Variants in DHDDS observed in about 807,000 individuals in gnomAD.
DHDDS encodes the protein dehydrodolichyl diphosphate synthase complex subunit DHDDS.
DHDDS carries 16 observed loss-of-function variants against 46.2 expected under a neutral mutation model. That is an observed-to-expected ratio of 0.35 (90% CI 0.23 to 0.53). The LOEUF is 0.53. DHDDS is among the 20% of genes least tolerant of loss of function. DHDDS has a pLI of 0.94. For synonymous variants in DHDDS, 151 were observed against 163.1 expected (o/e 0.93, Z 0.56); for missense variants, 340 against 423.7 (o/e 0.80, Z 1.73).
intron 6 of DHDDS, among the ~76,000 whole-genome samples, chr1:26,450,030 C>CA (rs568884937): frequency 5.6e-4 from 86 of 152,252 alleles, no homozygotes; most frequent in Middle Eastern, 6.8e-3. Context: ...GGTCAACAGT[C>CA]AGACAGAGAT....
At chr1:26,447,728 C>T (rs1557440849) in intron 6 of DHDDS, 68 bp downstream of exon 6, 1 of 1,416,048 alleles carries the variant, frequency 7.1e-7, no homozygotes, top group Non-Finnish European at 9.9e-7. Flanking sequence ...GCAGCTCACG[C>T]CTGTAATCCT....
chr1:26,458,737 C>CAAAAAAAAA (rs11381495), intron 7 of DHDDS, among the ~76,000 whole-genome samples: 1 of 71,694 alleles, frequency 1.4e-5, no homozygotes, highest in Non-Finnish European at 2.7e-5. Context: ...GACTCTGTCG[C>CAAAAAAAAA]AAAAAAAAAA....
intron 6 of DHDDS, among the ~76,000 whole-genome samples, chr1:26,454,409 A>G (rs978090077): frequency 2.6e-5 from 4 of 152,138 alleles, no homozygotes; most frequent in Admixed American, 2.0e-4. Flanking sequence ...TTGCAGATAA[A>G]TTGTAAACTC....
intron 2 of DHDDS, among the ~76,000 whole-genome samples, chr1:26,437,429 T>C (rs936360211): frequency 4.0e-5 from 6 of 151,788 alleles, no homozygotes; most frequent in African/African-American, 1.5e-4. Context: ...GAGGATTGCT[T>C]GAGCCCAGGA....
At chr1:26,460,002 T>C in intron 7 of DHDDS, 35 bp from the exon 8 acceptor site, 1 of 1,559,784 alleles carries the variant, frequency 6.4e-7, no homozygotes, top group South Asian at 1.1e-5. Flanking sequence ...CAGCAACATG[T>C]TACTAAATCA....
In DHDDS at chr1:26,460,129, C is replaced by A. The variant is rs373118655; in HGVS notation, c.750C>A (p.Asn250Lys). Reference sequence around the variant, plus strand: ...AGGCCATCCTGCAGTTCCAGATGAACCATAGCGTGCTTCAGGTAAGAAAGA... The same window carrying A: ...AGGCCATCCTGCAGTTCCAGATGAAACATAGCGTGCTTCAGGTAAGAAAGA... ...LFEAILQFQM[N>K]HSVLQKARDM... Residue 250 changes from asparagine to lysine, a missense_variant, in exon 8 of 9, where the codon AAC (asparagine) becomes AAA (lysine). Asn to Lys is a moderately conservative substitution (Grantham distance 94). Around this residue, in one of 2 missense-constraint regions of DHDDS, gnomAD observed 268 missense variants for 300.3 expected, o/e 0.89. Transcript: ENST00000236342. 2.6e-5 allele frequency: 42 copies of A among 1,613,542 alleles called. No individual in the cohort carries two copies. Among genetic ancestry groups the A allele is most frequent in the Non-Finnish European group, 3.2e-5 (38 of 1,179,646 alleles).
intron 3 of DHDDS, among the ~76,000 whole-genome samples, chr1:26,440,428 G>A (rs757668125): frequency 3.3e-5 from 5 of 152,206 alleles, no homozygotes; most frequent in Admixed American, 6.5e-5. Flanking sequence ...GACCTGCAGC[G>A]AGTTATGTAG....
intron 6 of DHDDS, among the ~76,000 whole-genome samples, chr1:26,450,758 C>T (rs1414794999): frequency 6.6e-6 from 1 of 152,046 alleles, no homozygotes; most frequent in Non-Finnish European, 1.5e-5. Context: ...AGGTAGAGAG[C>T]AGGCAGGAAG....
intron 8 of DHDDS, among the ~76,000 whole-genome samples, chr1:26,461,586 T>C (rs2075422792): frequency 6.6e-6 from 1 of 152,076 alleles, no homozygotes; most frequent in Non-Finnish European, 1.5e-5. Flanking sequence ...GGTTTCTCCA[T>C]GTTGGTCAGG....
intron 2 of DHDDS, among the ~76,000 whole-genome samples, chr1:26,436,576 A>G (rs950162859): frequency 3.3e-5 from 5 of 151,156 alleles, no homozygotes; most frequent in African/African-American, 9.7e-5. Context: ...GGCGCCCACC[A>G]CCACGCCCGG....
intron 6 of DHDDS, among the ~76,000 whole-genome samples, chr1:26,452,500 G>T (rs2075331106): frequency 6.6e-6 from 1 of 152,182 alleles, no homozygotes; most frequent in Admixed American, 6.5e-5. Context: ...GTAGGCCTCT[G>T]TCTTTCTTAT....
At chr1:26,464,455 T>A (rs904948107) in intron 8 of DHDDS, among the ~76,000 whole-genome samples, 1 of 152,226 alleles carries the variant, frequency 6.6e-6, no homozygotes, top group African/African-American at 2.4e-5. Context: ...TCCAAAGTTA[T>A]AATAGAGATA....
chr1:26,461,615 C>T (rs1440204052), intron 8 of DHDDS, among the ~76,000 whole-genome samples: 1 of 152,050 alleles, frequency 6.6e-6, no homozygotes, highest in African/African-American at 2.4e-5. Context: ...GAACTCTTTA[C>T]CTCAGGTGAT....
At chr1:26,459,852 C>T (rs1351512827) in intron 7 of DHDDS, among the ~76,000 whole-genome samples, 185 bp from the exon 8 acceptor site, 5 of 152,176 alleles carry the variant, frequency 3.3e-5, no homozygotes, top group African/African-American at 4.8e-5. Flanking sequence ...CCTCAAGTGA[C>T]GCCTCCCCCT....
At chr1:26,454,078 C>T (rs1305264373) in intron 6 of DHDDS, among the ~76,000 whole-genome samples, 5 of 152,020 alleles carry the variant, frequency 3.3e-5, no homozygotes, top group East Asian at 1.9e-4. Flanking sequence ...CTCAGCCTCC[C>T]GAGTAGCTGG....
chr1:26,457,754 A>G (rs765467912), intron 6 of DHDDS, 37 bp from the exon 7 acceptor site: 1 of 1,449,246 alleles, frequency 6.9e-7, no homozygotes, highest in Non-Finnish European at 9.7e-7. Context: ...ATACTACAGG[A>G]TGTGTGCCTC....
chr1:26,432,651 G>C, intron 1 of DHDDS: 1 of 465,092 alleles, frequency 2.2e-6, no homozygotes, highest in Non-Finnish European at 3.9e-6. Flanking sequence ...AGTCAGTGCA[G>C]ATACGGAGGA....
rs565143913 is a variant in DHDDS, at chr1:26,470,910, C to T, written c.*1779C>T. On this transcript the variant is annotated 3_prime_UTR_variant, in exon 9 of 9. Coordinates refer to ENST00000236342, the MANE Select transcript of DHDDS (RefSeq NM_205861.3). ...TGCCCTATGAGCGTGGCTGTTGAGT[C>T]CTGTCTCCTGGGTCTGACTTTCCGT... 1 of 152,828 alleles carries T rather than the reference C, an allele frequency of 6.5e-6. No homozygotes were observed. Among genetic ancestry groups the T allele is most frequent in the South Asian group, 2.1e-4 (1 of 4,834 alleles). 9.5% of individuals were successfully genotyped at this position (152,828 alleles called of 1,614,324 possible).
intron 6 of DHDDS, chr1:26,447,932 G>A: frequency 1.7e-6 from 1 of 593,310 alleles, no homozygotes; most frequent in Non-Finnish European, 3.0e-6. Context: ...AAAGATTTAA[G>A]GGGATCTCCC....
Sources: allele counts gnomAD v4.1 joint callset (sites outside exome capture counted in the v4.1 genomes callset), GRCh38; gene constraint gnomAD v4.1.1; regional missense constraint gnomAD v4.1.1; transcripts MANE v1.5; gene names NCBI Gene and HGNC (gene_info 2026-07-23, HGNC 2026-07-21).